UNC5D: variants seen among roughly 807,000 people sequenced by gnomAD.
The protein encoded by UNC5D is unc-5 netrin receptor D, also known as netrin receptor UNC5D.
In UNC5D, 39 loss-of-function variants were observed where a neutral mutation model predicts 105.4. The observed-to-expected ratio is 0.37, with a 90% CI of 0.29 to 0.48. UNC5D has a LOEUF of 0.48. UNC5D is among the 20% of genes least tolerant of loss of function. The probability of loss-of-function intolerance (pLI) is 0.98; values close to 1 mark genes in which losing one functional copy is unlikely to be tolerated. For missense variants in UNC5D, 991 were observed against 1,202.4 expected, an observed-to-expected ratio of 0.82 and a Z score of 2.60; for synonymous variants, 452 against 450.4, an observed-to-expected ratio of 1.00 and a Z score of -0.04.
At chr8:35,429,893 T>C (rs1463666438) in intron 1 of UNC5D, among the ~76,000 whole-genome samples, 1 of 152,318 alleles carries the variant, frequency 6.6e-6, no homozygotes, top group Non-Finnish European at 1.5e-5. Flanking sequence ...CAAGACTGTT[T>C]TTGCATTTGA....
chr8:35,496,894 C>T (rs1399064087), intron 1 of UNC5D, among the ~76,000 whole-genome samples: 2 of 152,054 alleles, frequency 1.3e-5, no homozygotes, highest in Non-Finnish European at 2.9e-5. Flanking sequence ...AATCTGGTTT[C>T]TTTCATGCAG....
chr8:35,516,413 CGTAA>C (rs1813095519), intron 1 of UNC5D, among the ~76,000 whole-genome samples: 1 of 152,144 alleles, frequency 6.6e-6, no homozygotes, highest in Non-Finnish European at 1.5e-5. Flanking sequence ...TCTCACAGCT[CGTAA>C]GTGTCACCTG....
intron 10 of UNC5D, chr8:35,726,821 G>A (rs12548652): frequency 0.022 from 8,820 of 395,576 alleles, 412 homozygotes; most frequent in Admixed American, 0.11. Flanking sequence ...AAGCCCCTTT[G>A]GAGTATATTT....
Position 35,710,941 on chromosome 8 carries a change from T to TGTTTTGTTTTGTTTTGTTTTG in UNC5D, c.1117+4980_1117+4981insGTTTTGTTTTGTTTTGTTTTG, listed in dbSNP as rs1827903344. Among the ~76,000 whole-genome samples the TGTTTTGTTTTGTTTTGTTTTG allele has an allele frequency of 1.8e-3, 220 of 123,766 alleles. 8 individuals are homozygous for TGTTTTGTTTTGTTTTGTTTTG. The highest frequency in any genetic ancestry group is 4.9e-3 in the Admixed American group (57 of 11,724). 81.2% of individuals were successfully genotyped at this position (123,766 alleles called of 152,430 possible). A position where few individuals can be genotyped will look rare whatever the true frequency, so the allele number is the denominator to read the frequency against. ...CAGTAGCTCAGCATTATTCTTTTTT[T>TGTTTTGTTTTGTTTTGTTTTG]TTTTTTTTTTTTTTTGAGACGGAGT... On this transcript the variant is annotated intron_variant, in intron 8 of 16. Coordinates refer to ENST00000404895, the MANE Select transcript of UNC5D (RefSeq NM_080872.4).
At chr8:35,655,043 A>G (rs966033809) in intron 4 of UNC5D, among the ~76,000 whole-genome samples, 1 of 152,210 alleles carries the variant, frequency 6.6e-6, no homozygotes, top group Non-Finnish European at 1.5e-5. Context: ...TGGACAATAC[A>G]CTTGCTTGTG....
rs143509778 is a variant in UNC5D, at chr8:35,662,903, G to A, written c.571-20644G>A. Among the ~76,000 whole-genome samples, 593 of 152,218 alleles carry A rather than the reference G, an allele frequency of 3.9e-3. 4 individuals carry two copies. Among genetic ancestry groups the A allele is most frequent in the Non-Finnish European group, 3.9e-3 (266 of 68,002 alleles). On this transcript the variant is annotated intron_variant, in intron 4 of 16. Transcript: ENST00000404895. ...TGCCTCCTGTGAGATCAGCCTCAAC[G>A]CTAGATTCTCATAGGAGCGCAAACT...
chr8:35,398,644 A>C (rs540982493), intron 1 of UNC5D, among the ~76,000 whole-genome samples: 2 of 152,056 alleles, frequency 1.3e-5, no homozygotes, highest in South Asian at 4.1e-4. Context: ...TTTATCTTTC[A>C]GGTGTCTTTA....
In UNC5D at chr8:35,794,299, G is replaced by A. The variant is rs1248433032; in HGVS notation, c.*3736G>A. On this transcript the variant is annotated 3_prime_UTR_variant, in exon 17 of 17. Transcript: ENST00000404895. ...AGGTCTCTGTTCCAGCTCTGTAAAG[G>A]TCACAGGAATCGTGAAGGAGCTGAG... 1 of 152,142 alleles carries A rather than the reference G, an allele frequency of 6.6e-6. No individual in the cohort carries two copies. Among genetic ancestry groups the A allele is most frequent in the Non-Finnish European group, 1.5e-5 (1 of 68,028 alleles). 9.4% of individuals were successfully genotyped at this position (152,142 alleles called of 1,614,324 possible).
At chr8:35,316,873 C>T (rs1381769154) in intron 1 of UNC5D, among the ~76,000 whole-genome samples, 1 of 152,030 alleles carries the variant, frequency 6.6e-6, no homozygotes, top group Non-Finnish European at 1.5e-5. Context: ...ATATTAGGGA[C>T]CACTAGAGGA....
At chr8:35,755,000 C>T (rs767410151) in intron 13 of UNC5D, among the ~76,000 whole-genome samples, 3 of 152,100 alleles carry the variant, frequency 2.0e-5, no homozygotes, top group Non-Finnish European at 2.9e-5. Context: ...CCTTGTCCTT[C>T]TTGCTTTTGT....
chr8:35,774,568 T>C (rs749806401), intron 16 of UNC5D, 91 bp downstream of exon 16: 3 of 1,466,810 alleles, frequency 2.0e-6, no homozygotes, highest in Non-Finnish European at 2.8e-6. Context: ...TTCTGAGCCC[T>C]AATATTTTTA....
chr8:35,587,451 G>C (rs1175438352), intron 3 of UNC5D, among the ~76,000 whole-genome samples: 1 of 152,196 alleles, frequency 6.6e-6, no homozygotes, highest in Admixed American at 6.5e-5. Context: ...TCATCATTCA[G>C]ATGAGTTGAA....
At chr8:35,771,098 A>C (rs1801992293) in intron 15 of UNC5D, among the ~76,000 whole-genome samples, 1 of 152,204 alleles carries the variant, frequency 6.6e-6, no homozygotes, top group African/African-American at 2.4e-5. Context: ...TTTAAGAGGG[A>C]AATAGGGACC....
intron 11 of UNC5D, among the ~76,000 whole-genome samples, chr8:35,740,627 C>G (rs1323481486): frequency 6.6e-6 from 1 of 152,156 alleles, no homozygotes; most frequent in African/African-American, 2.4e-5. Flanking sequence ...TGTTTAGTGT[C>G]TATGAGTGCA....
intron 1 of UNC5D, among the ~76,000 whole-genome samples, chr8:35,430,784 A>C (rs932152771): frequency 2.0e-5 from 3 of 152,344 alleles, no homozygotes; most frequent in Admixed American, 2.0e-4. Context: ...CTGAGAACAG[A>C]TAACCCCTAT....
chr8:35,788,617 T>C lies in UNC5D; in HGVS notation c.2658-1742T>C, dbSNP rs1802860847. On this transcript the variant is annotated intron_variant, in intron 16 of 16. Transcript: ENST00000404895. ...TATCATAGTATTATCATAAGTGCTG[T>C]AGCAGTTTCAGAAAATCAGTAGATA... 2.0e-5 allele frequency among the ~76,000 whole-genome samples: 3 copies of C among 152,118 alleles called. No individual in the cohort carries two copies. The South Asian group carries it at 6.2e-4, about 32-fold the overall frequency.
At position 35,726,253 on chromosome 8, in the gene UNC5D, A is replaced by G; in HGVS notation, c.1405A>G (p.Met469Val). The G allele has an allele frequency of 1.2e-6, 2 of 1,614,166 alleles. No individual in the cohort carries two copies. Among genetic ancestry groups the G allele is most frequent in the Non-Finnish European group, 1.7e-6 (2 of 1,180,022 alleles). Reference protein sequence around the residue: ...CLQDPLDKELMTESSLFNPLS... With the variant: ...CLQDPLDKELVTESSLFNPLS... ...GCAGGACCCTCTGGACAAGGAGCTC[A>G]TGACAGAGTCCTCACTCTTTAACCC... The change falls in exon 10 of 17, where the codon ATG becomes GTG. Residue 469 changes from methionine to valine, a missense_variant. This residue lies in a region of UNC5D where 944 missense variants were observed against 1,131.6 expected (regional missense o/e 0.83). Transcript: ENST00000404895.
intron 1 of UNC5D, among the ~76,000 whole-genome samples, chr8:35,311,832 G>A (rs550289460): frequency 6.6e-5 from 10 of 152,264 alleles, no homozygotes; most frequent in African/African-American, 2.4e-4. Flanking sequence ...AGATAACCTT[G>A]TATTAGGACC....
intron 7 of UNC5D, 33 bp from the exon 8 acceptor site, chr8:35,705,896 G>A (rs932830541): frequency 3.1e-6 from 4 of 1,298,404 alleles, no homozygotes; most frequent in Middle Eastern, 2.0e-4. Flanking sequence ...TTTATTAAAT[G>A]CAACTTTCTT....
Sources: gnomAD v4.1 joint callset for allele counts (sites outside exome capture counted in the v4.1 genomes callset) on GRCh38, gnomAD v4.1.1 for gene constraint, gnomAD v4.1.1 regional missense constraint, MANE v1.5 for transcripts, NCBI Gene and HGNC (gene_info 2026-07-23, HGNC 2026-07-21) for gene names.